CD80: variants seen among roughly 807,000 people sequenced by gnomAD.
CD80 encodes CD80 molecule.
Under a neutral mutation model 27.1 loss-of-function variants are expected in CD80, and 13 were observed. That is an observed-to-expected ratio of 0.48 (90% CI 0.31 to 0.76). The LOEUF is 0.76. CD80 is among the 30% of genes least tolerant of loss of function. The pLI is 0.04. For synonymous variants in CD80, 125 were observed against 125.5 expected, an observed-to-expected ratio of 1.00 and a Z score of 0.03; for missense variants, 277 against 347.9, an observed-to-expected ratio of 0.80 and a Z score of 1.62.
chr3:119,546,150 T>C (rs572827659), intron 2 of CD80, among the ~76,000 whole-genome samples: 17 of 152,222 alleles, frequency 1.1e-4, no homozygotes, highest in Non-Finnish European at 4.4e-5. Flanking sequence ...TAGGAGCATA[T>C]GAGCCTTCTC....
Position 119,544,622 on chromosome 3 carries a change from A to G in CD80, c.346T>C (p.Cys116Arg). ...TCTTTTTCATACTTCAGAACAACAC[A>G]CTCGTATGTGCCCTCGTCAGATGGG... ...LRPSDEGTYE[C>R]VVLKYEKDAF... is the part of the protein sequence containing the mutation. Residue 116 changes from cysteine to arginine, a missense_variant, in exon 3 of 7, where the codon TGT becomes CGT. Transcript: ENST00000264246. The G allele has an allele frequency of 6.2e-7, 1 of 1,614,032 alleles. No homozygotes were observed. Among genetic ancestry groups the G allele is most frequent in the Non-Finnish European group, 8.5e-7 (1 of 1,180,034 alleles).
chr3:119,530,076 T>C lies in CD80; in HGVS notation c.701-139A>G. ...CAGTATGCAGCTGCTAGCATTTTTC[T>C]TGCATAATTCTTCAATCAGGCACAT... On this transcript the variant is annotated intron_variant, in intron 4 of 6. Transcript: ENST00000264246. 3 of 591,808 alleles carry C rather than the reference T, an allele frequency of 5.1e-6. 1 individual carries two copies. The Admixed American group carries it at 9.9e-5, about 20-fold the overall frequency. The allele number at this position is 591,808 out of a possible 1,614,324, so 36.7% of individuals were successfully genotyped here.
chr3:119,556,571 G>A lies in CD80; in HGVS notation c.100+1058C>T, dbSNP rs969589307. ...TGTAGGCCATGTTTCTCTTGGTTCT[G>A]AAACAATGTAAAATAGCTCTGGACA... On this transcript the variant is annotated intron_variant, in intron 2 of 6. Transcript: ENST00000264246. Among the ~76,000 whole-genome samples the A allele has an allele frequency of 6.6e-5, 10 of 152,268 alleles. No homozygotes were observed. The East Asian group carries it at 1.9e-3, about 29-fold the overall frequency.
At chr3:119,538,386 G>A (rs1402399359) in intron 3 of CD80, among the ~76,000 whole-genome samples, 2 of 151,844 alleles carry the variant, frequency 1.3e-5, no homozygotes, top group Non-Finnish European at 2.9e-5. Flanking sequence ...CTAAACTATA[G>A]CGAACGCCTG....
chr3:119,550,578 C>T (rs184193299), intron 2 of CD80, among the ~76,000 whole-genome samples: 3 of 152,288 alleles, frequency 2.0e-5, no homozygotes, highest in South Asian at 2.1e-4. Context: ...CCATCACACA[C>T]GGACAAAAAG....
chr3:119,537,077 C>A, intron 4 of CD80, 60 bp downstream of exon 4: 1 of 1,413,500 alleles, frequency 7.1e-7, no homozygotes, highest in Non-Finnish European at 9.9e-7. Flanking sequence ...TTAAATGACA[C>A]GACTATATTG....
intron 2 of CD80, among the ~76,000 whole-genome samples, chr3:119,555,349 A>G (rs2082258322): frequency 6.6e-6 from 1 of 152,202 alleles, no homozygotes. Flanking sequence ...ACTTATATCT[A>G]TCATTACAGT....
chr3:119,558,283 G>A (rs868318502), intron 1 of CD80, among the ~76,000 whole-genome samples: 1 of 152,132 alleles, frequency 6.6e-6, no homozygotes, highest in Non-Finnish European at 1.5e-5. Flanking sequence ...TTTTGTCCAA[G>A]GCAGGACCTA....
chr3:119,554,014 G>T (rs2082249428), intron 2 of CD80, among the ~76,000 whole-genome samples: 1 of 152,232 alleles, frequency 6.6e-6, no homozygotes, highest in South Asian at 2.1e-4. Context: ...GGCAGCCACA[G>T]GCTTGAGACC....
At chr3:119,549,088 G>A (rs1452405712) in intron 2 of CD80, among the ~76,000 whole-genome samples, 1 of 151,890 alleles carries the variant, frequency 6.6e-6, no homozygotes, top group Non-Finnish European at 1.5e-5. Flanking sequence ...TTCTTTCCAG[G>A]CCTGATTGAT....
intron 3 of CD80, among the ~76,000 whole-genome samples, chr3:119,539,659 G>A (rs1158961282): frequency 1.3e-5 from 2 of 152,160 alleles, no homozygotes; most frequent in African/African-American, 4.8e-5. Flanking sequence ...GAGAACATAG[G>A]AGAAAGATAC....
chr3:119,551,966 G>T (rs965242312), intron 2 of CD80, among the ~76,000 whole-genome samples: 1 of 152,208 alleles, frequency 6.6e-6, no homozygotes, highest in Non-Finnish European at 1.5e-5. Flanking sequence ...GAAAGGAGGC[G>T]GAGAGAAGGC....
intron 3 of CD80, among the ~76,000 whole-genome samples, chr3:119,543,577 C>G (rs375446477): frequency 4.0e-5 from 6 of 151,698 alleles, no homozygotes; most frequent in African/African-American, 1.5e-4. Flanking sequence ...CTGCCTCAGC[C>G]TCCTGAGTAG....
intron 2 of CD80, among the ~76,000 whole-genome samples, chr3:119,555,094 T>C (rs2107748523): frequency 6.6e-6 from 1 of 152,292 alleles, no homozygotes; most frequent in East Asian, 1.9e-4. Flanking sequence ...AGAAACAGCA[T>C]TTAAAAAACT....
intron 3 of CD80, among the ~76,000 whole-genome samples, chr3:119,543,080 G>A (rs960987417): frequency 2.0e-5 from 3 of 151,992 alleles, no homozygotes. Context: ...GGCTTCCCCC[G>A]ACCCACCTAG....
intron 2 of CD80, among the ~76,000 whole-genome samples, chr3:119,554,322 T>TA (rs1007032594): frequency 5.3e-5 from 8 of 152,102 alleles, no homozygotes; most frequent in African/African-American, 1.9e-4. Flanking sequence ...ACTATAAACT[T>TA]ATAGGCAATG....
At chr3:119,543,358 T>G (rs2082180911) in intron 3 of CD80, among the ~76,000 whole-genome samples, 1 of 152,040 alleles carries the variant, frequency 6.6e-6, no homozygotes, top group Non-Finnish European at 1.5e-5. Context: ...TTAGTTTTTT[T>G]CCTTGTGGCA....
chr3:119,535,290 G>T lies in CD80; in HGVS notation c.700+1847C>A, dbSNP rs183145484. 4.6e-5 allele frequency among the ~76,000 whole-genome samples: 7 copies of T among 151,838 alleles called. No homozygotes were observed. In the East Asian group the frequency reaches 1.4e-3, roughly 29 times the overall value. Reference sequence around the variant, plus strand: ...CCATCTAAAATAAATTATCCACTTCGCAACTACAAGTAAAGACATGAAGAA... The same window carrying T: ...CCATCTAAAATAAATTATCCACTTCTCAACTACAAGTAAAGACATGAAGAA... On this transcript the variant is annotated intron_variant, in intron 4 of 6. Coordinates refer to ENST00000264246, the MANE Select transcript of CD80 (RefSeq NM_005191.4).
chr3:119,528,734 C>T (rs2082092229), intron 5 of CD80, among the ~76,000 whole-genome samples: 1 of 151,694 alleles, frequency 6.6e-6, no homozygotes, highest in Non-Finnish European at 1.5e-5. Flanking sequence ...CCATCCTGGC[C>T]AACATGGTGA....
Sources: allele counts gnomAD v4.1 joint callset (sites outside exome capture counted in the v4.1 genomes callset), GRCh38; gene constraint gnomAD v4.1.1; transcripts MANE v1.5; gene names NCBI Gene and HGNC (gene_info 2026-07-23, HGNC 2026-07-21).